The following SDE2 variants were observed in gnomAD, a reference collection of about 807,000 sequenced individuals.
SDE2 encodes splicing regulator SDE2.
A neutral mutation model predicts 46.9 loss-of-function variants in SDE2; 31 were observed. That is an observed-to-expected ratio of 0.66 (90% CI 0.50 to 0.89). The LOEUF (loss-of-function observed/expected upper bound fraction) is 0.89, where lower values mean the gene tolerates loss of function less well. Among genes scored for constraint, SDE2 ranks in the 40% least tolerant of loss-of-function variants. The pLI, the probability that SDE2 is intolerant of heterozygous loss-of-function variation, is 0.00. For missense variants in SDE2, 542 were observed against 564.4 expected (o/e 0.96, Z 0.40); for synonymous variants, 205 against 204.3 (o/e 1.00, Z -0.03).
In SDE2 at chr1:225,993,923, A is replaced by G. The variant is rs114317719; in HGVS notation, c.239-921T>C. Among the ~76,000 whole-genome samples the G allele has an allele frequency of 5.2e-3, 664 of 127,974 alleles. 2 individuals carry two copies. Among genetic ancestry groups the G allele is most frequent in the Non-Finnish European group, 7.8e-3 (480 of 61,154 alleles). The allele number at this position is 127,974 out of a possible 152,430, so 84.0% of individuals were successfully genotyped here. On this transcript the variant is annotated intron_variant, in intron 2 of 6. Coordinates refer to ENST00000272091, the MANE Select transcript of SDE2 (RefSeq NM_152608.4). ...TTGCTAGGATTACAGGCGTGTACCGATGCAGCTAGCTATTTTTTTTTTTTT... is the reference window on the plus strand; with the variant it reads ...TTGCTAGGATTACAGGCGTGTACCGGTGCAGCTAGCTATTTTTTTTTTTTT...
intron 2 of SDE2, among the ~76,000 whole-genome samples, chr1:225,994,368 G>A (rs1227004918): frequency 6.6e-6 from 1 of 152,180 alleles, no homozygotes; most frequent in Non-Finnish European, 1.5e-5. Context: ...GAGCCACCGT[G>A]CCCAGCCCAC....
intron 2 of SDE2, among the ~76,000 whole-genome samples, chr1:225,994,261 G>C (rs1310651946): frequency 6.6e-6 from 1 of 152,090 alleles, no homozygotes; most frequent in East Asian, 1.9e-4. Flanking sequence ...ATCTCTAGTA[G>C]AGACGGGGTT....
Position 225,993,005 on chromosome 1 carries a change from G to A in SDE2, c.239-3C>T, listed in dbSNP as rs961582539. ...TGCTCGGAGCATAGATCCAAAACCT[G>A]AGCAGATGTATTTGGAGAAAGCAGG... is the stretch of plus-strand genomic sequence containing the variant. On this transcript the variant is annotated splice_region_variant and splice_polypyrimidine_tract_variant and intron_variant, in intron 2 of 6. Coordinates refer to ENST00000272091, the MANE Select transcript of SDE2 (RefSeq NM_152608.4). The A allele has an allele frequency of 2.6e-6, 4 of 1,543,754 alleles. No homozygotes were observed. Among genetic ancestry groups the A allele is most frequent in the Non-Finnish European group, 2.7e-6 (3 of 1,118,034 alleles).
In SDE2 at chr1:225,988,389, C is replaced by T; in HGVS notation, c.642-1G>A. 6.2e-7 allele frequency: 1 copy of T among 1,613,350 alleles called. No homozygotes were observed. Among genetic ancestry groups the T allele is most frequent in the Non-Finnish European group, 8.5e-7 (1 of 1,179,418 alleles). On this transcript the variant is annotated splice_acceptor_variant, in intron 5 of 6. Transcript: ENST00000272091. LOFTEE classifies it high-confidence loss of function. ...AGTCTCTAGTCCCTCCATGCCCAAC[C>T]TGTCAGAAGCAACAGAAAGGTTTAA...
Position 225,988,023 on chromosome 1 carries a change from C to T in SDE2, c.1007G>A (p.Gly336Glu). The T allele has an allele frequency of 6.2e-7, 1 of 1,614,208 alleles. No homozygotes were observed. Among genetic ancestry groups the T allele is most frequent in the Non-Finnish European group, 8.5e-7 (1 of 1,180,028 alleles). The part of the protein sequence containing the change: ...SKEPIEEEPT[G>E]AGLNKDKETE... ...CTCTTTATCCTTATTCAGTCCAGCC[C>T]CAGTGGGCTCCTCTTCTATGGGTTC... The change falls in exon 6 of 7, where the codon GGG becomes GAG. Residue 336 changes from glycine (G) to glutamate (E), a missense_variant. Gly to Glu is a moderately conservative substitution (Grantham distance 98, BLOSUM62 -2). Coordinates refer to ENST00000272091, the MANE Select transcript of SDE2 (RefSeq NM_152608.4).
rs1656210328 is a variant in SDE2, at chr1:225,983,782, A to G, written c.*1520T>C. 1 of 152,194 alleles carries G rather than the reference A, an allele frequency of 6.6e-6. No homozygotes were observed. Among genetic ancestry groups the G allele is most frequent in the Admixed American group, 6.6e-5 (1 of 15,266 alleles). The allele number at this position is 152,194 out of a possible 1,614,324, so 9.4% of individuals were successfully genotyped here. On this transcript the variant is annotated 3_prime_UTR_variant, in exon 7 of 7. Transcript: ENST00000272091. ...ATATTGGGTCATAAAACGAGTCTCA[A>G]TAAAACTAAGAGGATTGAAATCATA...
intron 2 of SDE2, among the ~76,000 whole-genome samples, chr1:225,994,649 A>T (rs140083191): frequency 2.6e-4 from 40 of 152,340 alleles, no homozygotes; most frequent in African/African-American, 8.9e-4. Context: ...AACTACAAAA[A>T]CGAGACAAAA....
rs751553914 is a variant in SDE2, at chr1:225,983,855, C to T, written c.*1447G>A. ...ATGGAATTAAAGTAGAAATCAGCAACAAGAAGATATTAAGAGGAAAAAAAA... is the reference window on the plus strand; with the variant it reads ...ATGGAATTAAAGTAGAAATCAGCAATAAGAAGATATTAAGAGGAAAAAAAA... On this transcript the variant is annotated 3_prime_UTR_variant, in exon 7 of 7. Transcript: ENST00000272091. The T allele has an allele frequency of 5.3e-5, 8 of 152,088 alleles. No individual in the cohort carries two copies. The highest frequency in any genetic ancestry group is 1.9e-4 in the African/African-American group (8 of 41,474). 9.4% of individuals were successfully genotyped at this position (152,088 alleles called of 1,614,324 possible).
chr1:225,987,901 T>C lies in SDE2; in HGVS notation c.1129A>G (p.Asn377Asp). Residue 377 changes from asparagine to aspartate, a missense_variant, in exon 6 of 7, where the codon AAC becomes GAC. Physicochemically the swap from Asn to Asp is conservative, Grantham distance 23. Transcript: ENST00000272091. ...VAKLQESQPG[N>D]AVIDKETIDL... is the part of the protein sequence containing the mutation. ...CAACCCCAAAACATACTTACTGCGTTTCCTGGCTGGCTTTCCTGCAGTTTG... is the reference window on the plus strand; with the variant it reads ...CAACCCCAAAACATACTTACTGCGTCTCCTGGCTGGCTTTCCTGCAGTTTG... 6.2e-7 allele frequency: 1 copy of C among 1,611,202 alleles called. No homozygotes were observed. The highest frequency in any genetic ancestry group is 8.5e-7 in the Non-Finnish European group (1 of 1,179,046).
At chr1:225,994,819 A>G (rs1163400626) in intron 2 of SDE2, among the ~76,000 whole-genome samples, 5 of 152,196 alleles carry the variant, frequency 3.3e-5, no homozygotes, top group African/African-American at 1.2e-4. Flanking sequence ...GTATCACACA[A>G]TATTTCTTCC....
rs1359261470 is a variant in SDE2 at position 225,999,341 on chromosome 1, T to C, written c.-29A>G. 5.0e-6 allele frequency: 8 copies of C among 1,595,322 alleles called. No individual in the cohort carries two copies. The highest frequency in any genetic ancestry group is 1.3e-5 in the African/African-American group (1 of 74,258). On this transcript the variant is annotated 5_prime_UTR_variant, in exon 1 of 7. Coordinates refer to ENST00000272091, the MANE Select transcript of SDE2 (RefSeq NM_152608.4). ...ACCGACTACCCGAACCTCAAGCCTC[T>C]CTGAGACACCAGGCGCCGCAACTCG...
intron 4 of SDE2, 82 bp downstream of exon 4, chr1:225,992,316 C>T: frequency 1.0e-6 from 1 of 955,200 alleles, no homozygotes; most frequent in Non-Finnish European, 1.6e-6. Flanking sequence ...TTAAGAACTG[C>T]TCTTTGTGCG....
intron 6 of SDE2, 33 bp downstream of exon 6, chr1:225,987,863 T>C: frequency 3.2e-6 from 5 of 1,568,080 alleles, no homozygotes; most frequent in Non-Finnish European, 4.3e-6. Context: ...TAAACTGATT[T>C]GGCTCTAGGT....
At chr1:225,989,307 A>T (rs3117630) in intron 5 of SDE2, among the ~76,000 whole-genome samples, 66,445 of 134,598 alleles carry the variant, frequency 0.49, 16,623 homozygotes, top group East Asian at 0.68. Context: ...AAAAAAAAAA[A>T]AATAATAATA....
chr1:225,984,072 C>A lies in SDE2; in HGVS notation c.*1230G>T, dbSNP rs1656215183. On this transcript the variant is annotated 3_prime_UTR_variant, in exon 7 of 7. Transcript: ENST00000272091. ...GACCAGCCTGGCCAATGTGGTGAAA[C>A]CCCATCTCTACTAAAAATACAAAAA... The A allele has an allele frequency of 6.6e-6, 1 of 151,990 alleles. No individual in the cohort carries two copies. Among genetic ancestry groups the A allele is most frequent in the Non-Finnish European group, 1.5e-5 (1 of 67,994 alleles). 9.4% of individuals were successfully genotyped at this position (151,990 alleles called of 1,614,324 possible).
At position 225,985,454 on chromosome 1, in the gene SDE2, C is replaced by G. The variant is rs747430911; in HGVS notation, c.1204G>C (p.Glu402Gln). 6.6e-5 allele frequency: 107 copies of G among 1,614,078 alleles called. No homozygotes were observed. Among genetic ancestry groups the G allele is most frequent in the South Asian group, 5.5e-4 (50 of 91,088 alleles). The stretch of plus-strand genomic sequence containing the variant: ...GCCATCAGTTCACATTTGAGCTTCT[C>G]CAAACCCAGCAACTCCAGTTCTGCA... ...SVAELELLGL[E>Q]KLKCELMALG... The change falls in exon 7 of 7, where the codon GAG becomes CAG. Residue 402 changes from glutamate to glutamine, a missense_variant. Coordinates refer to ENST00000272091, the MANE Select transcript of SDE2 (RefSeq NM_152608.4).
chr1:225,989,643 A>AC (rs1228827475), intron 5 of SDE2, among the ~76,000 whole-genome samples: 2 of 151,944 alleles, frequency 1.3e-5, no homozygotes, highest in African/African-American at 4.8e-5. Flanking sequence ...AAAAAAAAAA[A>AC]AGAAGGAAAA....
rs374051088 is a variant in SDE2, at chr1:225,991,284, T to C, written c.600A>G (p.Gln200=). Residue 200 remains glutamine (Q), a synonymous_variant, in exon 5 of 7, where the codon CAA becomes CAG. Transcript: ENST00000272091. ...TTCCCGCACTGGCTCCTCTGTCTGT[T>C]TGAGATTTAGTAGGCCATTGCCGTT... ...NRKRQWPTKS[Q]TDRGASAGKR... 43 of 1,613,276 alleles carry C rather than the reference T, an allele frequency of 2.7e-5. No homozygotes were observed. The highest frequency in any genetic ancestry group is 2.0e-4 in the South Asian group (18 of 91,070).
intron 2 of SDE2, among the ~76,000 whole-genome samples, chr1:225,993,383 G>A (rs1656447985): frequency 6.6e-6 from 1 of 152,010 alleles, no homozygotes; most frequent in Non-Finnish European, 1.5e-5. Flanking sequence ...AGGCTGAGGC[G>A]GGCAGATCAT....
Sources: allele counts gnomAD v4.1 joint callset (sites outside exome capture counted in the v4.1 genomes callset), GRCh38; gene constraint gnomAD v4.1.1; transcripts MANE v1.5; gene names NCBI Gene and HGNC (gene_info 2026-07-23, HGNC 2026-07-21).